SKP2: variants seen among roughly 807,000 people sequenced by gnomAD.
SKP2 encodes the protein S-phase kinase associated protein 2.
A neutral mutation model predicts 51.8 loss-of-function variants in SKP2; 16 were observed. That is an observed-to-expected ratio of 0.31 (90% CI 0.21 to 0.47). SKP2 has a LOEUF of 0.47. SKP2 is among the 20% of genes least tolerant of loss of function. The probability of loss-of-function intolerance (pLI) is 1.00; values close to 1 mark genes in which losing one functional copy is unlikely to be tolerated. For synonymous variants in SKP2, 176 were observed against 198.6 expected, an observed-to-expected ratio of 0.89 and a Z score of 0.96; for missense variants, 377 against 505.3, an observed-to-expected ratio of 0.75 and a Z score of 2.43.
chr5:36,157,623 G>A (rs1019271737), intron 2 of SKP2, among the ~76,000 whole-genome samples: 8 of 152,146 alleles, frequency 5.3e-5, no homozygotes, highest in African/African-American at 1.2e-4. Context: ...AAACAAGCCA[G>A]CAAAAGCAAT....
chr5:36,154,653 T>A (rs1344490683), intron 2 of SKP2, among the ~76,000 whole-genome samples: 1 of 152,170 alleles, frequency 6.6e-6, no homozygotes, highest in East Asian at 1.9e-4. Flanking sequence ...CTCAGCCTCC[T>A]AAGTAACTGA....
intron 7 of SKP2, among the ~76,000 whole-genome samples, chr5:36,172,775 CTT>C (rs982572997): frequency 6.6e-6 from 1 of 152,132 alleles, no homozygotes; most frequent in Admixed American, 6.6e-5. Flanking sequence ...AAATTCGAGT[CTT>C]TCACCTGTGC....
chr5:36,154,988 A>G (rs539553604), intron 2 of SKP2: 2 of 152,248 alleles, frequency 1.3e-5, no homozygotes, highest in Non-Finnish European at 1.5e-5. Flanking sequence ...ATGATGGCGA[A>G]GAAGAAACAG....
chr5:36,157,400 C>A (rs1335719189), intron 2 of SKP2, among the ~76,000 whole-genome samples: 1 of 152,134 alleles, frequency 6.6e-6, no homozygotes, highest in East Asian at 1.9e-4. Flanking sequence ...GGTTGTGGGA[C>A]TGAAGGGGTA....
At chr5:36,152,406 AGT>A in intron 1 of SKP2, 136 bp downstream of exon 1, 1 of 884,886 alleles carries the variant, frequency 1.1e-6, no homozygotes, top group South Asian at 1.4e-5. Context: ...TCTTGGGGAA[AGT>A]GTGAATGGAT....
At position 36,166,066 on chromosome 5, in the gene SKP2, C is replaced by A. The variant is rs562276189; in HGVS notation, c.393-453C>A. 6.6e-5 allele frequency among the ~76,000 whole-genome samples: 10 copies of A among 152,294 alleles called. 1 individual carries two copies. The South Asian group carries it at 2.1e-3, about 32-fold the overall frequency. On this transcript the variant is annotated intron_variant, in intron 3 of 9. Transcript: ENST00000274255. ...TTCATAATAAAATAATGCTAACTTTCGTTCCTTTAGTAATTTTCCATGTTG... is the reference window on the plus strand; with the variant it reads ...TTCATAATAAAATAATGCTAACTTTAGTTCCTTTAGTAATTTTCCATGTTG...
At chr5:36,166,496 A>G in intron 3 of SKP2, 23 bp from the exon 4 acceptor site, 1 of 1,612,790 alleles carries the variant, frequency 6.2e-7, no homozygotes, top group Non-Finnish European at 8.5e-7. Flanking sequence ...GACTGGCCAA[A>G]TTAAGTATCT....
intron 7 of SKP2, among the ~76,000 whole-genome samples, chr5:36,175,072 G>A (rs1309246639): frequency 6.6e-6 from 1 of 152,094 alleles, no homozygotes; most frequent in Non-Finnish European, 1.5e-5. Flanking sequence ...AGGCTGTAGC[G>A]GGGAAGTATG....
chr5:36,189,209 CCTT>C (rs1388103769), downstream of SKP2, among the ~76,000 whole-genome samples: 2 of 152,198 alleles, frequency 1.3e-5, no homozygotes, highest in African/African-American at 4.8e-5. Context: ...TCATCTGAAG[CCTT>C]CTTCTCTCAA....
intron 6 of SKP2, among the ~76,000 whole-genome samples, chr5:36,191,619 T>A (rs1454535618): frequency 1.3e-5 from 2 of 152,060 alleles, no homozygotes; most frequent in African/African-American, 4.8e-5. Context: ...GTGAACCCAA[T>A]TACACTTCAA....
Position 36,158,085 on chromosome 5 carries a change from C to T in SKP2, c.280+5043C>T, listed in dbSNP as rs567331732. 1.6e-4 allele frequency among the ~76,000 whole-genome samples: 25 copies of T among 152,266 alleles called. No homozygotes were observed. The East Asian group carries it at 4.6e-3, about 28-fold the overall frequency. Reference sequence around the variant, plus strand: ...TTGCTGGTTTGGCCCAGTTTTTGCCCTTTCCTGGCCCTGAAGTATATTTAA... The same window carrying T: ...TTGCTGGTTTGGCCCAGTTTTTGCCTTTTCCTGGCCCTGAAGTATATTTAA... On this transcript the variant is annotated intron_variant, in intron 2 of 9. Transcript: ENST00000274255.
chr5:36,188,300 A>G (rs1444994283), downstream of SKP2, among the ~76,000 whole-genome samples: 2 of 152,118 alleles, frequency 1.3e-5, no homozygotes, highest in African/African-American at 4.8e-5. Flanking sequence ...TTTGCTCGTT[A>G]GTTGATGCAG....
At chr5:36,190,935 G>T (rs1050505746) in intron 6 of SKP2, among the ~76,000 whole-genome samples, 1 of 152,140 alleles carries the variant, frequency 6.6e-6, no homozygotes, top group Non-Finnish European at 1.5e-5. Context: ...CAGTTGTCTC[G>T]TGTTTTCTTC....
rs778989402 is a variant in SKP2 at position 36,152,173 on chromosome 5, C to G, written c.-90C>G. On this transcript the variant is annotated 5_prime_UTR_variant, in exon 1 of 10. Coordinates refer to ENST00000274255, the MANE Select transcript of SKP2 (RefSeq NM_005983.4). ...CTGCTGGGGGCCCGAGCAGCACGCT[C>G]GGAGCCGCCGCGCGCCAAAGCGGGA... The G allele has an allele frequency of 1.2e-4, 173 of 1,427,180 alleles. No individual in the cohort carries two copies. The highest frequency in any genetic ancestry group is 1.5e-4 in the Non-Finnish European group (155 of 1,012,098). The allele number at this position is 1,427,180 out of a possible 1,614,324, so 88.4% of individuals were successfully genotyped here.
rs1209668763 is a variant in SKP2 at position 36,182,203 on chromosome 5, G to T, written c.*172G>T. The T allele has an allele frequency of 7.1e-7, 1 of 1,411,844 alleles. No homozygotes were observed. The highest frequency in any genetic ancestry group is 1.4e-5 in the African/African-American group (1 of 69,374). The allele number at this position is 1,411,844 out of a possible 1,614,324, so 87.5% of individuals were successfully genotyped here. ...ACTATGAAATCTTGCTTTTTGAAAT[G>T]ATTCTAAAAGCTTCTATCACTGCTT... On this transcript the variant is annotated 3_prime_UTR_variant, in exon 10 of 10. Transcript: ENST00000274255.
At chr5:36,159,392 C>T (rs916555836) in intron 2 of SKP2, among the ~76,000 whole-genome samples, 1 of 152,174 alleles carries the variant, frequency 6.6e-6, no homozygotes. Flanking sequence ...TTTATTTCTC[C>T]TGCCCTGTAC....
Position 36,171,332 on chromosome 5 carries a change from C to T in SKP2, c.771-271C>T, listed in dbSNP as rs958915453. 4.6e-5 allele frequency among the ~76,000 whole-genome samples: 7 copies of T among 152,134 alleles called. No homozygotes were observed. In the South Asian group the frequency reaches 8.3e-4, roughly 18 times the overall value. ...CATAAAAGACTGGCATTTCTACCTG[C>T]AGTACTGGAATAAGGTTTGAGCCAT... On this transcript the variant is annotated intron_variant, in intron 6 of 9. Transcript: ENST00000274255.
Position 36,156,674 on chromosome 5 carries a change from A to G in SKP2, c.280+3632A>G, listed in dbSNP as rs33677. Among the ~76,000 whole-genome samples the G allele has an allele frequency of 9.6e-3, 1,455 of 152,280 alleles. 27 individuals carry two copies. Among genetic ancestry groups the G allele is most frequent in the African/African-American group, 0.034 (1,399 of 41,550 alleles). ...ATGCTTGTCCCCCACCCCACCCTTT[A>G]AACAGGTGATAGCCATGAAAATGGA... On this transcript the variant is annotated intron_variant, in intron 2 of 9. Transcript: ENST00000274255.
At chr5:36,189,241 C>T (rs1745983105), downstream of SKP2, among the ~76,000 whole-genome samples, 1 of 152,224 alleles carries the variant, frequency 6.6e-6, no homozygotes, top group African/African-American at 2.4e-5. Context: ...AGTCTTTCTC[C>T]ATCCAGCTTT....
Sources: gnomAD v4.1 joint callset for allele counts (sites outside exome capture counted in the v4.1 genomes callset) on GRCh38, gnomAD v4.1.1 for gene constraint, MANE v1.5 for transcripts, NCBI Gene and HGNC (gene_info 2026-07-23, HGNC 2026-07-21) for gene names.